The following MTCH2 variants were observed in gnomAD, a reference collection of about 807,000 sequenced individuals.
MTCH2 encodes the protein mitochondrial carrier homolog 2.
MTCH2 carries 25 observed loss-of-function variants against 50.6 expected under a neutral mutation model. The ratio of observed to expected loss-of-function variants is 0.49; its 90% CI spans 0.36 to 0.69. MTCH2 has a LOEUF of 0.69. MTCH2 is among the 30% of genes least tolerant of loss of function. The probability of loss-of-function intolerance (pLI) is 0.00; values close to 1 mark genes in which losing one functional copy is unlikely to be tolerated. For synonymous variants in MTCH2, 106 were observed against 132.0 expected, an observed-to-expected ratio of 0.80 and a Z score of 1.35; for missense variants, 273 against 384.4, an observed-to-expected ratio of 0.71 and a Z score of 2.42.
chr11:47,637,579 T>G (rs116752864), intron 3 of MTCH2, among the ~76,000 whole-genome samples: 56 of 152,304 alleles, frequency 3.7e-4, no homozygotes, highest in African/African-American at 1.2e-3. Flanking sequence ...GAATTTTTTG[T>G]GGCGTATTTT....
At chr11:47,619,906 A>T (rs1598832178) in intron 12 of MTCH2, among the ~76,000 whole-genome samples, 1 of 152,006 alleles carries the variant, frequency 6.6e-6, no homozygotes, top group East Asian at 1.9e-4. Context: ...GTGAAACCCC[A>T]TCTCTACTAA....
At chr11:47,605,397 C>T in the MTCH2 span, among the ~76,000 whole-genome samples, 1 of 152,128 alleles carries the variant, frequency 6.6e-6, no homozygotes, top group East Asian at 1.9e-4. Context: ...ACCAAACTTC[C>T]TATATCCTAT....
At chr11:47,625,435 AAT>A (rs199803861) in intron 11 of MTCH2, among the ~76,000 whole-genome samples, 5,346 of 135,914 alleles carry the variant, frequency 0.039, 163 homozygotes, top group African/African-American at 0.08. Flanking sequence ...AAAAAAAAAA[AAT>A]AATAATAATA....
Position 47,627,044 on chromosome 11 carries a change from A to G in MTCH2, c.681+36T>C, listed in dbSNP as rs757610043. ...AAGGAAAACAAAACAAAACACAACT[A>G]TTCCTAGAAGGTTAAAAGGATTTTA... On this transcript the variant is annotated intron_variant, in intron 10 of 12. Transcript: ENST00000302503. The G allele has an allele frequency of 4.7e-6, 7 of 1,496,712 alleles. No homozygotes were observed. In the Admixed American group the frequency reaches 5.8e-5, roughly 12 times the overall value. The allele number at this position is 1,496,712 out of a possible 1,614,324, so 92.7% of individuals were successfully genotyped here. A position where few individuals can be genotyped will look rare whatever the true frequency, so the allele number is the denominator to read the frequency against.
At chr11:47,620,021 G>A (rs575259095) in intron 12 of MTCH2, among the ~76,000 whole-genome samples, 154 of 152,274 alleles carry the variant, frequency 1.0e-3, no homozygotes, top group Middle Eastern at 6.8e-3. Context: ...AGGTTGCAGT[G>A]AGCCAAGATC....
At chr11:47,605,288 G>GC in the MTCH2 span, among the ~76,000 whole-genome samples, 9 of 152,056 alleles carry the variant, frequency 5.9e-5, no homozygotes, top group Non-Finnish European at 1.2e-4. Flanking sequence ...GGTGGGGAGA[G>GC]CCACTATCTT....
At chr11:47,620,747 T>C (rs973462305) in intron 12 of MTCH2, among the ~76,000 whole-genome samples, 3 of 152,176 alleles carry the variant, frequency 2.0e-5, no homozygotes, top group African/African-American at 7.2e-5. Flanking sequence ...TTCCCAAATA[T>C]AGGCCATGTG....
At chr11:47,639,791 T>C (rs746647820) in intron 1 of MTCH2, among the ~76,000 whole-genome samples, 4 of 151,950 alleles carry the variant, frequency 2.6e-5, no homozygotes, top group Non-Finnish European at 4.4e-5. Flanking sequence ...TGAGCCGAGA[T>C]TGTGTCACTG....
At chr11:47,621,148 G>C (rs1284895891) in intron 12 of MTCH2, among the ~76,000 whole-genome samples, 1 of 152,196 alleles carries the variant, frequency 6.6e-6, no homozygotes, top group African/African-American at 2.4e-5. Flanking sequence ...GGTCTGTACT[G>C]AAATCATTCA....
chr11:47,609,176 C>T, the MTCH2 span, among the ~76,000 whole-genome samples: 2 of 149,998 alleles, frequency 1.3e-5, no homozygotes, highest in African/African-American at 2.4e-5. Context: ...TCAAGGAGCC[C>T]GGGCGCGGTG....
the MTCH2 span, among the ~76,000 whole-genome samples, chr11:47,606,944 G>A: frequency 1.8e-4 from 28 of 152,358 alleles, no homozygotes; most frequent in Admixed American, 1.6e-3. Context: ...GCTGCTCTCA[G>A]AGCACGTCAG....
chr11:47,634,769 A>ATTTTTT (rs139407275), intron 4 of MTCH2, 35 bp from the exon 5 acceptor site: 126 of 739,466 alleles, frequency 1.7e-4, no homozygotes, highest in South Asian at 3.8e-4. Context: ...AGAGATCTTG[A>ATTTTTT]TTTTTTTTTT....
chr11:47,635,089 ATTTCT>A (rs536767690), intron 4 of MTCH2, among the ~76,000 whole-genome samples: 36 of 151,410 alleles, frequency 2.4e-4, no homozygotes, highest in South Asian at 1.9e-3. Context: ...GACGGTTTTT[ATTTCT>A]TTTGAGATAG....
intron 7 of MTCH2, 147 bp from the exon 8 acceptor site, chr11:47,630,761 G>A (rs1235701636): frequency 2.5e-6 from 2 of 789,526 alleles, no homozygotes; most frequent in Admixed American, 2.6e-5. Context: ...TGCAAAGATA[G>A]CTAAATTTGG....
intron 3 of MTCH2, 82 bp downstream of exon 3, chr11:47,638,617 A>T: frequency 1.1e-6 from 1 of 898,726 alleles, no homozygotes; most frequent in Non-Finnish European, 1.7e-6. Flanking sequence ...TGTATCTTTT[A>T]AATTGCTCTT....
intron 3 of MTCH2, among the ~76,000 whole-genome samples, chr11:47,638,495 C>T (rs201288857): frequency 1.8e-5 from 2 of 112,020 alleles, no homozygotes; most frequent in Admixed American, 1.1e-4. Flanking sequence ...GCAGTGAGCC[C>T]AGATCGCGCC....
chr11:47,625,406 T>C (rs1332984896), intron 11 of MTCH2, among the ~76,000 whole-genome samples: 6 of 129,398 alleles, frequency 4.6e-5, no homozygotes, highest in East Asian at 2.2e-4. Flanking sequence ...CTGGGCAACA[T>C]AGCAAGACTC....
intron 3 of MTCH2, among the ~76,000 whole-genome samples, chr11:47,636,063 G>T (rs569098078): frequency 6.6e-6 from 1 of 151,976 alleles, no homozygotes; most frequent in East Asian, 1.9e-4. Context: ...AGGAGGCAGA[G>T]GTTGCAGTGA....
At chr11:47,616,042 T>C (rs982743950), downstream of MTCH2, among the ~76,000 whole-genome samples, 1 of 152,096 alleles carries the variant, frequency 6.6e-6, no homozygotes, top group Admixed American at 6.5e-5. Flanking sequence ...TACCGCAACC[T>C]CCGCTTCCTG....
Sources: allele counts gnomAD v4.1 joint callset (sites outside exome capture counted in the v4.1 genomes callset), GRCh38; gene constraint gnomAD v4.1.1; transcripts MANE v1.5; gene names NCBI Gene and HGNC (gene_info 2026-07-23, HGNC 2026-07-21).